The following MCPH1 variants were observed in gnomAD, a reference collection of about 807,000 sequenced individuals.
The protein encoded by MCPH1 is microcephalin.
In MCPH1, 104 loss-of-function variants were observed where a neutral mutation model predicts 84.5. The ratio of observed to expected loss-of-function variants is 1.23; its 90% CI spans 1.05 to 1.45. MCPH1 has a LOEUF of 1.45. MCPH1 is among the 40% of genes most tolerant of loss of function. The pLI, the probability that MCPH1 is intolerant of heterozygous loss-of-function variation, is 0.00. For synonymous variants in MCPH1, 514 were observed against 366.8 expected, an observed-to-expected ratio of 1.40 and a Z score of -4.58; for missense variants, 1,498 against 1,005.7, an observed-to-expected ratio of 1.49 and a Z score of -6.62.
At chr8:6,446,673 A>C (rs918669945) in intron 8 of MCPH1, 1 of 984,608 alleles carries the variant, frequency 1.0e-6, no homozygotes, top group Non-Finnish European at 1.2e-6. Context: ...TTTGGTAGTT[A>C]AGAATATCCT....
At chr8:6,460,495 C>T (rs569464844) in intron 9 of MCPH1, among the ~76,000 whole-genome samples, 1 of 152,210 alleles carries the variant, frequency 6.6e-6, no homozygotes, top group Non-Finnish European at 1.5e-5. Flanking sequence ...GGATTACAGG[C>T]GGGAGCCTTC....
chr8:6,419,902 C>G (rs184334140), intron 3 of MCPH1, among the ~76,000 whole-genome samples: 74 of 151,806 alleles, frequency 4.9e-4, no homozygotes, highest in African/African-American at 1.7e-3. Flanking sequence ...AAATGATTTG[C>G]TTTTTCTTTG....
intron 2 of MCPH1, among the ~76,000 whole-genome samples, chr8:6,412,141 T>A (rs1798625044): frequency 6.6e-6 from 1 of 151,942 alleles, no homozygotes; most frequent in South Asian, 2.1e-4. Flanking sequence ...CTGTCTTGAG[T>A]AAGAGGTCAG....
chr8:6,523,028 C>T (rs1190339400), intron 12 of MCPH1, among the ~76,000 whole-genome samples: 8 of 151,672 alleles, frequency 5.3e-5, no homozygotes, highest in South Asian at 2.1e-4. Flanking sequence ...GATGGAGTCT[C>T]GCTCTGTCAC....
intron 9 of MCPH1, among the ~76,000 whole-genome samples, chr8:6,460,700 C>CT (rs537610446): frequency 4.0e-5 from 6 of 151,854 alleles, no homozygotes; most frequent in Non-Finnish European, 8.8e-5. Flanking sequence ...GTTAGTTTGT[C>CT]TTTATCTTCC....
intron 13 of MCPH1, among the ~76,000 whole-genome samples, chr8:6,628,872 T>G (rs775092765): frequency 3.3e-5 from 5 of 152,250 alleles, no homozygotes; most frequent in Non-Finnish European, 7.3e-5. Context: ...ACTGACCGAC[T>G]TAATTCATGC....
intron 12 of MCPH1, chr8:6,562,721 C>T (rs868161477): frequency 2.5e-6 from 4 of 1,613,434 alleles, no homozygotes; most frequent in African/African-American, 2.7e-5. Flanking sequence ...TCATCGTATT[C>T]GAGCGGCGCG....
At chr8:6,479,440 ATTTATTTATTTT>A (rs1387277794) in intron 10 of MCPH1, among the ~76,000 whole-genome samples, 4 of 54,138 alleles carry the variant, frequency 7.4e-5, no homozygotes, top group Admixed American at 2.3e-4. Context: ...TTATTTATTT[ATTTATTTATTTT>A]GAGACAGAGT....
At chr8:6,572,028 A>G (rs1826700745) in intron 12 of MCPH1, among the ~76,000 whole-genome samples, 1 of 152,172 alleles carries the variant, frequency 6.6e-6, no homozygotes, top group Non-Finnish European at 1.5e-5. Flanking sequence ...TTGGTACCCC[A>G]TTAATAATAA....
intron 1 of MCPH1, chr8:6,407,000 G>A (rs1380747648): frequency 1.1e-5 from 4 of 348,756 alleles, no homozygotes; most frequent in Admixed American, 5.7e-5. Flanking sequence ...CCCAACCCCC[G>A]TGCTGCTAGT....
At chr8:6,593,665 T>A (rs978581392) in intron 12 of MCPH1, among the ~76,000 whole-genome samples, 3 of 152,168 alleles carry the variant, frequency 2.0e-5, no homozygotes, top group African/African-American at 4.8e-5. Context: ...AGACACCATG[T>A]TTTTATGGCT....
chr8:6,445,956 G>T (rs974999805), intron 8 of MCPH1: 20 of 983,566 alleles, frequency 2.0e-5, no homozygotes, highest in African/African-American at 1.6e-4. Context: ...TTTAAAGAAA[G>T]AAATTAAGGT....
chr8:6,511,494 G>T (rs1443889911), intron 12 of MCPH1, among the ~76,000 whole-genome samples: 1 of 152,074 alleles, frequency 6.6e-6, no homozygotes, highest in African/African-American at 2.4e-5. Flanking sequence ...ATGCATTTAT[G>T]CATTTCTTAT....
chr8:6,573,798 A>G (rs1269333924), intron 12 of MCPH1, among the ~76,000 whole-genome samples: 2 of 152,220 alleles, frequency 1.3e-5, no homozygotes, highest in Admixed American at 1.3e-4. Context: ...GATGTTAAAC[A>G]GAACTAAAAG....
chr8:6,431,702 A>G (rs1392819212), intron 4 of MCPH1, 116 bp downstream of exon 4: 9 of 678,878 alleles, frequency 1.3e-5, no homozygotes, highest in Non-Finnish European at 2.0e-5. Flanking sequence ...TAAATATGCT[A>G]TTGATGATAT....
In MCPH1 at chr8:6,610,674, G is replaced by A. The variant is rs551592870; in HGVS notation, c.2215-10780G>A. Among the ~76,000 whole-genome samples the A allele has an allele frequency of 8.5e-5, 13 of 152,132 alleles. No individual in the cohort carries two copies. In the South Asian group the frequency reaches 2.5e-3, roughly 29 times the overall value. On this transcript the variant is annotated intron_variant, in intron 12 of 13. Transcript: ENST00000344683. ...CTGCTTAGAAAGTACAGACCCCTAA[G>A]CCCACTTCCAAAAGAAGGATGCATT...
At chr8:6,603,121 T>A (rs1829498309) in intron 12 of MCPH1, among the ~76,000 whole-genome samples, 1 of 152,066 alleles carries the variant, frequency 6.6e-6, no homozygotes, top group Non-Finnish European at 1.5e-5. Flanking sequence ...AATGATTTTT[T>A]AAGAAAAGTC....
At chr8:6,635,649 C>T (rs186080421) in intron 13 of MCPH1, among the ~76,000 whole-genome samples, 1 of 152,182 alleles carries the variant, frequency 6.6e-6, no homozygotes, top group African/African-American at 2.4e-5. Flanking sequence ...TTTGTGTACA[C>T]TGAACCAACA....
intron 8 of MCPH1, among the ~76,000 whole-genome samples, chr8:6,447,943 C>G (rs1187719473): frequency 6.6e-6 from 1 of 151,972 alleles, no homozygotes; most frequent in Non-Finnish European, 1.5e-5. Context: ...CAGATACATT[C>G]CCATTGTAAC....
Sources: allele counts gnomAD v4.1 joint callset (sites outside exome capture counted in the v4.1 genomes callset), GRCh38; gene constraint gnomAD v4.1.1; transcripts MANE v1.5; gene names NCBI Gene and HGNC (gene_info 2026-07-23, HGNC 2026-07-21).